Variants in ZNF599 observed in about 807,000 individuals in gnomAD.
ZNF599 encodes zinc finger protein 599.
ZNF599 carries 10 observed loss-of-function variants against 11.7 expected under a neutral mutation model. The ratio of observed to expected loss-of-function variants is 0.86; its 90% confidence interval spans 0.53 to 1.45. ZNF599 has a LOEUF of 1.45. Among genes scored for constraint, ZNF599 ranks in the 40% most tolerant of loss-of-function variants. The pLI is 0.00. For missense variants in ZNF599, 688 were observed against 713.6 expected, an observed-to-expected ratio of 0.96 and a Z score of 0.41; for synonymous variants, 232 against 253.2, an observed-to-expected ratio of 0.92 and a Z score of 0.79.
chr19:34,772,844 G>T lies in ZNF599; in HGVS notation c.-3C>A, dbSNP rs1244477577. 2 of 1,511,098 alleles carry T rather than the reference G, an allele frequency of 1.3e-6. No homozygotes were observed. The highest frequency in any genetic ancestry group is 1.4e-5 in the African/African-American group (1 of 70,034). 93.6% of individuals were successfully genotyped at this position (1,511,098 alleles called of 1,614,324 possible). On this transcript the variant is annotated 5_prime_UTR_variant, in exon 1 of 4. Coordinates refer to ENST00000329285, the MANE Select transcript of ZNF599 (RefSeq NM_001007248.3). ...CTCACCAACGCCGGCGCCGCCATGG[G>T]CCCAGGGGGCTGGGTGAGGCCGTGA...
chr19:34,792,063 C>T, the ZNF599 span: 2 of 152,198 alleles, frequency 1.3e-5, no homozygotes, highest in African/African-American at 4.8e-5. Context: ...ACCTGGAAAC[C>T]AACAGCACAA....
At chr19:34,787,438 C>A in the ZNF599 span, among the ~76,000 whole-genome samples, 36 of 152,248 alleles carry the variant, frequency 2.4e-4, no homozygotes, top group African/African-American at 8.7e-4. Context: ...CACTATTTGG[C>A]TCCTTTAAAA....
At chr19:34,777,509 T>TATATTAATATATTATATATAAATATATA (rs2069227136), upstream of ZNF599, among the ~76,000 whole-genome samples, 2 of 112,190 alleles carry the variant, frequency 1.8e-5, no homozygotes, top group African/African-American at 3.6e-5. Flanking sequence ...ATTAATATAT[T>TATATTAATATATTATATATAAATATATA]ATATATTAAT....
chr19:34,773,233 G>T (rs1034484011), upstream of ZNF599: 6 of 231,828 alleles, frequency 2.6e-5, no homozygotes, highest in Non-Finnish European at 5.0e-5. Context: ...CGCCCACGCC[G>T]CTACGGGAAC....
At chr19:34,802,007 C>G in the ZNF599 span, among the ~76,000 whole-genome samples, 8 of 152,182 alleles carry the variant, frequency 5.3e-5, no homozygotes, top group African/African-American at 1.9e-4. Context: ...GAGGAAAGGG[C>G]CTCAGGGGGC....
chr19:34,765,551 C>T (rs758328502), intron 3 of ZNF599: 2 of 702,782 alleles, frequency 2.8e-6, no homozygotes, highest in South Asian at 3.0e-5. Flanking sequence ...ATGGCTAATA[C>T]ACCTGAGAAG....
At chr19:34,774,353 C>T (rs958538036), upstream of ZNF599, among the ~76,000 whole-genome samples, 4 of 152,108 alleles carry the variant, frequency 2.6e-5, no homozygotes, top group Non-Finnish European at 5.9e-5. Context: ...CAGCTTATGC[C>T]CAGCAACTCA....
chr19:34,760,888 C>G (rs2069109030), intron 3 of ZNF599, among the ~76,000 whole-genome samples: 1 of 152,106 alleles, frequency 6.6e-6, no homozygotes, highest in South Asian at 2.1e-4. Context: ...TCTCATGGTG[C>G]TATGACAATG....
intron 3 of ZNF599, chr19:34,763,090 C>T (rs977930358): frequency 1.3e-5 from 2 of 152,030 alleles, no homozygotes; most frequent in Non-Finnish European, 1.5e-5. Flanking sequence ...AATAACAAAT[C>T]TTAAAGTGGC....
the ZNF599 span, among the ~76,000 whole-genome samples, chr19:34,807,448 T>C: frequency 1.3e-5 from 2 of 152,196 alleles, no homozygotes; most frequent in African/African-American, 4.8e-5. Context: ...CACCCTAGCC[T>C]AGCGTCAGAG....
At chr19:34,767,640 C>T (rs1476966129) in intron 2 of ZNF599, among the ~76,000 whole-genome samples, 1 of 152,104 alleles carries the variant, frequency 6.6e-6, no homozygotes, top group African/African-American at 2.4e-5. Flanking sequence ...CAAATTAAAC[C>T]AAATCTCTGA....
chr19:34,783,675 TA>T, the ZNF599 span, among the ~76,000 whole-genome samples: 1 of 152,056 alleles, frequency 6.6e-6, no homozygotes, highest in Non-Finnish European at 1.5e-5. Flanking sequence ...AAATATTTTT[TA>T]AAAAAACATC....
At chr19:34,807,146 G>A in the ZNF599 span, among the ~76,000 whole-genome samples, 1 of 152,144 alleles carries the variant, frequency 6.6e-6, no homozygotes, top group Non-Finnish European at 1.5e-5. Context: ...AATCTTCTGT[G>A]ACTCACCACA....
At chr19:34,802,613 C>G in the ZNF599 span, among the ~76,000 whole-genome samples, 1 of 152,110 alleles carries the variant, frequency 6.6e-6, no homozygotes, top group Non-Finnish European at 1.5e-5. Context: ...GGACAAAAGT[C>G]TGACTAGAAA....
At chr19:34,799,768 G>A in the ZNF599 span, among the ~76,000 whole-genome samples, 25 of 152,252 alleles carry the variant, frequency 1.6e-4, no homozygotes, top group African/African-American at 5.8e-4. Context: ...GTGAAGTCAC[G>A]GCAAGAAGGC....
At chr19:34,763,884 A>T (rs1426804410) in intron 3 of ZNF599, 2 of 152,188 alleles carry the variant, frequency 1.3e-5, no homozygotes, top group East Asian at 3.9e-4. Context: ...AGGAGTTACC[A>T]GCCTGGCCAA....
chr19:34,782,837 C>T, the ZNF599 span, among the ~76,000 whole-genome samples: 1 of 152,198 alleles, frequency 6.6e-6, no homozygotes, highest in South Asian at 2.1e-4. Context: ...TCAGGGAAAA[C>T]TCAATGGCCA....
chr19:34,783,931 A>G, the ZNF599 span, among the ~76,000 whole-genome samples: 2 of 152,170 alleles, frequency 1.3e-5, no homozygotes, highest in Non-Finnish European at 2.9e-5. Context: ...GGCCATGTTC[A>G]TAGGCTTTCC....
chr19:34,785,189 T>A, the ZNF599 span, among the ~76,000 whole-genome samples: 2 of 151,934 alleles, frequency 1.3e-5, no homozygotes, highest in East Asian at 3.9e-4. Flanking sequence ...AAACCTGGGG[T>A]CACCTAACCT....
Sources: allele counts gnomAD v4.1 joint callset (sites outside exome capture counted in the v4.1 genomes callset), GRCh38; gene constraint gnomAD v4.1.1; transcripts MANE v1.5; gene names NCBI Gene and HGNC (gene_info 2026-07-23, HGNC 2026-07-21).